GRHL2: variants seen among roughly 807,000 people sequenced by gnomAD.
GRHL2 encodes grainyhead like transcription factor 2, also known as grainyhead-like protein 2 homolog.
GRHL2 carries 21 observed loss-of-function variants against 83.8 expected under a neutral mutation model. The ratio of observed to expected loss-of-function variants is 0.25; its 90% CI spans 0.18 to 0.36. The LOEUF (loss-of-function observed/expected upper bound fraction) is 0.36. GRHL2 is among the 10% of genes least tolerant of loss of function. GRHL2 has a pLI of 1.00. For synonymous variants in GRHL2, 280 were observed against 278.9 expected (o/e 1.00, Z -0.04); for missense variants, 623 against 781.8 (o/e 0.80, Z 2.42).
At chr8:101,641,170 C>T (rs1424224043) in intron 12 of GRHL2, among the ~76,000 whole-genome samples, 1 of 152,100 alleles carries the variant, frequency 6.6e-6, no homozygotes, top group Non-Finnish European at 1.5e-5. Flanking sequence ...TATTAAACAT[C>T]TTAAACTAGC....
At chr8:101,583,919 T>A (rs1481526924) in intron 7 of GRHL2, among the ~76,000 whole-genome samples, 1 of 152,216 alleles carries the variant, frequency 6.6e-6, no homozygotes, top group African/African-American at 2.4e-5. Context: ...TAAGAATTCC[T>A]TTACTACTTT....
the GRHL2 span, among the ~76,000 whole-genome samples, chr8:101,675,236 G>C: frequency 6.6e-6 from 1 of 152,000 alleles, no homozygotes; most frequent in African/African-American, 2.4e-5. Context: ...AGGAAATGAA[G>C]GCTATTCAAT....
intron 12 of GRHL2, among the ~76,000 whole-genome samples, chr8:101,641,436 T>C (rs1476901470): frequency 6.6e-6 from 1 of 152,106 alleles, no homozygotes; most frequent in African/African-American, 2.4e-5. Flanking sequence ...CATTCTTTCC[T>C]CTTCTTGAGC....
chr8:101,587,945 C>CAAA (rs1163906572), intron 7 of GRHL2, among the ~76,000 whole-genome samples: 1 of 152,272 alleles, frequency 6.6e-6, no homozygotes, highest in African/African-American at 2.4e-5. Context: ...TCCTTGTTTA[C>CAAA]AAAACCTAAA....
intron 7 of GRHL2, 25 bp from the exon 8 acceptor site, chr8:101,599,032 G>C (rs868259809): frequency 1.3e-6 from 2 of 1,521,662 alleles, no homozygotes; most frequent in African/African-American, 2.7e-5. Context: ...TCCTTTAAAA[G>C]CTTGTTCTTT....
At chr8:101,536,378 G>A (rs867664176) in intron 1 of GRHL2, among the ~76,000 whole-genome samples, 14 of 152,188 alleles carry the variant, frequency 9.2e-5, no homozygotes, top group African/African-American at 2.7e-4. Flanking sequence ...TAATAAATAC[G>A]GTGATTGACT....
chr8:101,535,655 C>T (rs1040432046), intron 1 of GRHL2, among the ~76,000 whole-genome samples: 1 of 152,174 alleles, frequency 6.6e-6, no homozygotes. Flanking sequence ...TTTCCTGCCT[C>T]AGCCTCCCAA....
rs1020812108 is a variant in GRHL2 at position 101,669,384 on chromosome 8, T to A, written c.*2681T>A. On this transcript the variant is annotated 3_prime_UTR_variant, in exon 16 of 16. Coordinates refer to ENST00000646743, the MANE Select transcript of GRHL2 (RefSeq NM_024915.4). ...ACCAACAGAAAAATGCAGTCAGATG[T>A]CATCTTGGAATTGGTTTCTAAAAGA... The A allele has an allele frequency of 1.3e-5, 2 of 151,934 alleles. No individual in the cohort carries two copies. The highest frequency in any genetic ancestry group is 2.9e-5 in the Non-Finnish European group (2 of 67,946). The allele number at this position is 151,934 out of a possible 1,614,324, so 9.4% of individuals were successfully genotyped here.
At position 101,636,904 on chromosome 8, in the gene GRHL2, A is replaced by G; in HGVS notation, c.1493A>G (p.Tyr498Cys). 6.2e-7 allele frequency: 1 copy of G among 1,613,792 alleles called. No individual in the cohort carries two copies. Among genetic ancestry groups the G allele is most frequent in the Non-Finnish European group, 8.5e-7 (1 of 1,179,688 alleles). Reference protein sequence around the residue: ...ANLQRTGQVYYNTDDEREGGS... With the variant: ...ANLQRTGQVYCNTDDEREGGS... ...TATTGTTTTGTTCCACAGGTGTATT[A>G]CAACACGGATGATGAACGAGAAGGG... The change falls in exon 12 of 16, where the codon TAC (tyrosine) becomes TGC (cysteine). Residue 498 changes from tyrosine (Y) to cysteine (C), a missense_variant. By Grantham distance (194) the Tyr-to-Cys change is radical. Around this residue, in one of 8 missense-constraint regions of GRHL2, gnomAD observed 210 missense variants for 254.8 expected, o/e 0.82. Coordinates refer to ENST00000646743, the MANE Select transcript of GRHL2 (RefSeq NM_024915.4).
chr8:101,680,129 G>A, the GRHL2 span, among the ~76,000 whole-genome samples: 4 of 118,406 alleles, frequency 3.4e-5, no homozygotes, highest in Non-Finnish European at 7.0e-5. Context: ...ACACAGACTG[G>A]CAAATTGGAT....
chr8:101,567,124 ATATCT>A (rs1811734983), intron 4 of GRHL2, among the ~76,000 whole-genome samples: 1 of 152,236 alleles, frequency 6.6e-6, no homozygotes, highest in African/African-American at 2.4e-5. Flanking sequence ...TTCTTACCAG[ATATCT>A]TGTCTTTGCA....
In GRHL2 at chr8:101,575,646, C is replaced by T. The variant is rs1917733; in HGVS notation, c.892-1762C>T. On this transcript the variant is annotated intron_variant, in intron 6 of 15. Coordinates refer to ENST00000646743, the MANE Select transcript of GRHL2 (RefSeq NM_024915.4). ...AGTTTCAAACTGCGTTTTCCTTTAT[C>T]ATTGAAGAAATGAATTTCCATACCA... Among the ~76,000 whole-genome samples, 10 of 152,320 alleles carry T rather than the reference C, an allele frequency of 6.6e-5. No individual in the cohort carries two copies. The East Asian group carries it at 1.9e-3, about 29-fold the overall frequency.
chr8:101,653,666 C>T (rs1813719230), intron 14 of GRHL2, among the ~76,000 whole-genome samples: 1 of 151,798 alleles, frequency 6.6e-6, no homozygotes, highest in African/African-American at 2.4e-5. Context: ...CACTTGAACA[C>T]AGGAGGCGGA....
chr8:101,593,849 T>C (rs963004775), intron 7 of GRHL2, among the ~76,000 whole-genome samples: 23 of 151,788 alleles, frequency 1.5e-4, no homozygotes, highest in Admixed American at 1.4e-3. Flanking sequence ...GTGGATCACC[T>C]GAGGTCAGGA....
intron 7 of GRHL2, among the ~76,000 whole-genome samples, chr8:101,578,511 G>A (rs904148841): frequency 7.9e-5 from 12 of 152,160 alleles, no homozygotes; most frequent in African/African-American, 2.9e-4. Context: ...GCAAAGTAGG[G>A]GAAGTCAGGG....
downstream of GRHL2, among the ~76,000 whole-genome samples, chr8:101,673,518 T>TGCACCCA (rs1814242399): frequency 1.5e-4 from 9 of 61,534 alleles, no homozygotes; most frequent in South Asian, 7.6e-4. Context: ...TAAATATATA[T>TGCACCCA]ATTTAGGATA....
intron 1 of GRHL2, among the ~76,000 whole-genome samples, chr8:101,521,190 C>T (rs1563561985): frequency 6.6e-6 from 1 of 152,158 alleles, no homozygotes; most frequent in Non-Finnish European, 1.5e-5. Context: ...TCCAGGGCTG[C>T]TGTGCAGTCT....
intron 9 of GRHL2, among the ~76,000 whole-genome samples, chr8:101,626,825 T>C (rs562670292): frequency 2.0e-5 from 3 of 152,176 alleles, no homozygotes; most frequent in Admixed American, 6.5e-5. Context: ...CAAAGAATCA[T>C]AGGAAGAGGT....
chr8:101,532,569 G>T (rs893978581), intron 1 of GRHL2, among the ~76,000 whole-genome samples: 2 of 152,126 alleles, frequency 1.3e-5, no homozygotes, highest in Non-Finnish European at 2.9e-5. Flanking sequence ...GACCAACATG[G>T]TGAAACCCTG....
Sources: allele counts gnomAD v4.1 joint callset (sites outside exome capture counted in the v4.1 genomes callset), GRCh38; gene constraint gnomAD v4.1.1; regional missense constraint gnomAD v4.1.1; transcripts MANE v1.5; gene names NCBI Gene and HGNC (gene_info 2026-07-23, HGNC 2026-07-21).